Variants in LPA observed in about 807,000 individuals in gnomAD.
LPA encodes apolipoprotein(a).
Under a neutral mutation model 197.9 loss-of-function variants are expected in LPA, and 199 were observed. That is an observed-to-expected ratio of 1.01 (90% CI 0.90 to 1.13). The LOEUF is 1.13. Ranked by LOEUF, LPA falls within the 50% of genes most tolerant of loss-of-function variation. LPA has a pLI of 0.00. For missense variants in LPA, 1,853 were observed against 1,785.8 expected (o/e 1.04, Z -0.68); for synonymous variants, 715 against 639.5 (o/e 1.12, Z -1.78).
chr6:160,568,279 G>T (rs1778499387), intron 28 of LPA, among the ~76,000 whole-genome samples: 1 of 152,154 alleles, frequency 6.6e-6, no homozygotes. Context: ...ACATCAAAAA[G>T]CTTATCCACC....
chr6:160,649,128 G>A (rs921430807), intron 2 of LPA, among the ~76,000 whole-genome samples: 8 of 152,086 alleles, frequency 5.3e-5, no homozygotes, highest in Non-Finnish European at 1.2e-4. Flanking sequence ...TGTTTGTGTG[G>A]AGCTGCCTTT....
chr6:160,540,658 T>C (rs1257223501), intron 35 of LPA, among the ~76,000 whole-genome samples: 1 of 152,202 alleles, frequency 6.6e-6, no homozygotes, highest in Non-Finnish European at 1.5e-5. Context: ...TCCACCATGA[T>C]TGTAATCTTC....
intron 30 of LPA, among the ~76,000 whole-genome samples, chr6:160,553,573 T>A (rs955166015): frequency 6.6e-6 from 1 of 152,226 alleles, no homozygotes; most frequent in Non-Finnish European, 1.5e-5. Flanking sequence ...ATCGGTCACT[T>A]TCATTACTGT....
chr6:160,604,674 A>G (rs1411966725), intron 18 of LPA, among the ~76,000 whole-genome samples: 5 of 152,160 alleles, frequency 3.3e-5, no homozygotes, highest in Non-Finnish European at 5.9e-5. Context: ...GAAAACCCCA[A>G]CAGAACCTTC....
At chr6:160,542,893 A>G in intron 33 of LPA, 85 bp from the exon 34 acceptor site, 1 of 1,560,236 alleles carries the variant, frequency 6.4e-7, no homozygotes, top group Non-Finnish European at 8.8e-7. Flanking sequence ...TCCAAGCACT[A>G]GTTTTTCACA....
At chr6:160,608,846 C>A (rs942871452) in intron 16 of LPA, among the ~76,000 whole-genome samples, 1 of 128,680 alleles carries the variant, frequency 7.8e-6, no homozygotes, top group Non-Finnish European at 1.7e-5. Flanking sequence ...TGTGTGTGAA[C>A]TTGTGAGTTT....
chr6:160,536,611 A>G (rs1439144004), intron 37 of LPA, among the ~76,000 whole-genome samples: 3 of 152,138 alleles, frequency 2.0e-5, no homozygotes, highest in African/African-American at 7.2e-5. Flanking sequence ...AGCTTCCTCA[A>G]TGGTAAAATA....
At chr6:160,606,906 G>A (rs953677275) in intron 16 of LPA, among the ~76,000 whole-genome samples, 3 of 152,134 alleles carry the variant, frequency 2.0e-5, no homozygotes, top group African/African-American at 7.2e-5. Context: ...GAAACACTGA[G>A]ATAATACATA....
chr6:160,607,350 G>A (rs1471432797), intron 16 of LPA, among the ~76,000 whole-genome samples: 1 of 152,102 alleles, frequency 6.6e-6, no homozygotes, highest in South Asian at 2.1e-4. Flanking sequence ...TCTCTAGAAT[G>A]GGTTCCTGGG....
chr6:160,558,157 G>C (rs1453523957), intron 28 of LPA, among the ~76,000 whole-genome samples: 4 of 152,066 alleles, frequency 2.6e-5, no homozygotes, highest in African/African-American at 9.7e-5. Flanking sequence ...CTGACCTCGT[G>C]ATCCACCCAC....
At chr6:160,656,165 A>G (rs1011026602) in intron 1 of LPA, among the ~76,000 whole-genome samples, 5 of 152,190 alleles carry the variant, frequency 3.3e-5, no homozygotes, top group African/African-American at 1.2e-4. Flanking sequence ...CAAATGGGAG[A>G]GTTGAACAGG....
chr6:160,655,556 G>A (rs1780118294), intron 1 of LPA, among the ~76,000 whole-genome samples: 1 of 152,078 alleles, frequency 6.6e-6, no homozygotes, highest in Non-Finnish European at 1.5e-5. Context: ...AATCCAAATA[G>A]GCCCACCAGG....
intron 19 of LPA, among the ~76,000 whole-genome samples, 200 bp from the exon 20 acceptor site, chr6:160,599,859 G>C (rs1779205099): frequency 6.6e-6 from 1 of 152,146 alleles, no homozygotes. Flanking sequence ...ACTGTAGTAA[G>C]TTCTTAGAAA....
At chr6:160,578,478 G>T in intron 27 of LPA, 45 bp downstream of exon 27, 1 of 1,609,508 alleles carries the variant, frequency 6.2e-7, no homozygotes, top group Non-Finnish European at 8.5e-7. Context: ...GATTTTCCAT[G>T]GTTTTTCATC....
In LPA at chr6:160,585,140, T is replaced by C. The variant is rs41272110; in HGVS notation, c.4195A>G (p.Thr1399Ala). ...CTTCCTGTGATAGTGGTGGAGAGTG[T>C]GCCTCGATAACTCTGTCCATCACCT... ...YRGDGQSYRG[T>A]LSTTITGRTC... The change falls in exon 26 of 39, where the codon ACA becomes GCA. Residue 1399 changes from threonine to alanine, a missense_variant. Around this residue, in one of 3 missense-constraint regions of LPA, gnomAD observed 1,737 missense variants for 1,504.4 expected, o/e 1.15. Transcript: ENST00000316300. 6.2e-7 allele frequency: 1 copy of C among 1,613,760 alleles called. No homozygotes were observed. Among genetic ancestry groups the C allele is most frequent in the Non-Finnish European group, 8.5e-7 (1 of 1,179,768 alleles).
chr6:160,548,930 G>C (rs1332606481), intron 30 of LPA, among the ~76,000 whole-genome samples: 1 of 152,156 alleles, frequency 6.6e-6, no homozygotes. Flanking sequence ...AAATACCCGA[G>C]ACAGACTGGG....
In LPA at chr6:160,601,040, T is replaced by C; in HGVS notation, c.3004A>G (p.Thr1002Ala). ...TCCCACCTGACACTGGGATCTGTTGTATAACACCAAGGGGCTGCCACAGGA... is the reference window on the plus strand; with the variant it reads ...TCCCACCTGACACTGGGATCTGTTGCATAACACCAAGGGGCTGCCACAGGA... The part of the protein sequence containing the change: ...PDPVAAPWCY[T>A]TDPSVRWEYC... Residue 1002 changes from threonine (T) to alanine (A), a missense_variant, in exon 19 of 39, where the codon ACA becomes GCA. Physicochemically the swap from Thr to Ala is moderately conservative, Grantham distance 58 (BLOSUM62 0). This residue lies in a region of LPA where 1,737 missense variants were observed against 1,504.4 expected (regional missense o/e 1.15). Coordinates refer to ENST00000316300, the MANE Select transcript of LPA (RefSeq NM_005577.4). 6.2e-7 allele frequency: 1 copy of C among 1,614,104 alleles called. No individual in the cohort carries two copies. Among genetic ancestry groups the C allele is most frequent in the Non-Finnish European group, 8.5e-7 (1 of 1,179,964 alleles).
At chr6:160,601,996 C>A (rs1779250587) in intron 18 of LPA, among the ~76,000 whole-genome samples, 2 of 152,214 alleles carry the variant, frequency 1.3e-5, no homozygotes. Context: ...ATTCACTCCT[C>A]CTTATGCCTC....
intron 30 of LPA, among the ~76,000 whole-genome samples, chr6:160,552,820 C>T (rs928616312): frequency 1.3e-5 from 2 of 152,086 alleles, no homozygotes; most frequent in Admixed American, 6.6e-5. Flanking sequence ...AATGCTTAAT[C>T]CTTTTATATT....
Sources: gnomAD v4.1 joint callset for allele counts (sites outside exome capture counted in the v4.1 genomes callset) on GRCh38, gnomAD v4.1.1 for gene constraint, gnomAD v4.1.1 regional missense constraint, MANE v1.5 for transcripts, NCBI Gene and HGNC (gene_info 2026-07-23, HGNC 2026-07-21) for gene names.